The following NCOR2 variants were observed in gnomAD, a reference collection of about 807,000 sequenced individuals.
NCOR2 encodes the protein nuclear receptor corepressor 2.
In NCOR2, 81 loss-of-function variants were observed where a neutral mutation model predicts 262.9. The observed-to-expected ratio is 0.31, with a 90% CI of 0.26 to 0.37. The LOEUF is 0.37. Ranked by LOEUF, NCOR2 falls within the 10% of genes least tolerant of loss-of-function variation. The pLI is 1.00. For missense variants in NCOR2, 3,385 were observed against 3,621.4 expected (o/e 0.93, Z 1.68); for synonymous variants, 1,659 against 1,559.3 (o/e 1.06, Z -1.51).
chr12:124,327,256 T>C (rs940610514), intron 45 of NCOR2, among the ~76,000 whole-genome samples, 153 bp downstream of exon 47: 1 of 151,728 alleles, frequency 6.6e-6, no homozygotes, highest in South Asian at 2.1e-4. Context: ...AGCTTCAGAT[T>C]AGCAAACTCC....
chr12:124,376,840 G>A (rs1289824970), intron 18 of NCOR2, among the ~76,000 whole-genome samples: 1 of 152,234 alleles, frequency 6.6e-6, no homozygotes, highest in Non-Finnish European at 1.5e-5. Flanking sequence ...CCCAGACGGG[G>A]CAGGAGGAAG....
intron 3 of NCOR2, among the ~76,000 whole-genome samples, chr12:124,476,043 AGT>A (rs1429399033): frequency 6.6e-6 from 1 of 152,210 alleles, no homozygotes; most frequent in Admixed American, 6.5e-5. Context: ...AAGCCTCAGG[AGT>A]GTGTATGCAC....
intron 14 of NCOR2, 111 bp from the exon 17 acceptor site, chr12:124,400,784 A>C: frequency 1.5e-6 from 2 of 1,366,460 alleles, no homozygotes; most frequent in Non-Finnish European, 2.0e-6. Flanking sequence ...CAGCCATGGC[A>C]CTAATCGGAC....
chr12:124,514,973 C>T (rs1051750285), intron 1 of NCOR2, among the ~76,000 whole-genome samples: 1 of 152,098 alleles, frequency 6.6e-6, no homozygotes, highest in Non-Finnish European at 1.5e-5. Context: ...AAGCTACGAC[C>T]CATGCCCACG....
In NCOR2 at chr12:124,481,634, G is replaced by T. The variant is rs1453503526; in HGVS notation, c.411+1962C>A. Reference sequence around the variant, plus strand: ...TGAGGAACTCCAGGGTGGCCTGGGAGGCTGTACGTGAGCGGTTGAGAGGGC... The same window carrying T: ...TGAGGAACTCCAGGGTGGCCTGGGATGCTGTACGTGAGCGGTTGAGAGGGC... On this transcript the variant is annotated intron_variant, in intron 3 of 46. Transcript: ENST00000405201. This position sits in a 1 kb window ranked among gnomAD's most constrained non-coding sequence, Gnocchi z 4.6. 6.6e-6 allele frequency among the ~76,000 whole-genome samples: 1 copy of T among 152,220 alleles called. No individual in the cohort carries two copies. The highest frequency in any genetic ancestry group is 6.5e-5 in the Admixed American group (1 of 15,292).
At chr12:124,460,796 T>C (rs2046122347) in intron 5 of NCOR2, among the ~76,000 whole-genome samples, 2 of 152,160 alleles carry the variant, frequency 1.3e-5, no homozygotes, top group African/African-American at 4.8e-5. Flanking sequence ...ACCTCTCCCA[T>C]CTAGAACATT....
At chr12:124,450,865 T>C (rs150837263) in intron 6 of NCOR2, among the ~76,000 whole-genome samples, 27 of 152,346 alleles carry the variant, frequency 1.8e-4, no homozygotes, top group African/African-American at 6.3e-4. Context: ...TTTCTCCTCA[T>C]CTATAAAATG....
At chr12:124,469,122 G>C (rs1388336638) in intron 4 of NCOR2, among the ~76,000 whole-genome samples, 1 of 152,020 alleles carries the variant, frequency 6.6e-6, no homozygotes, top group South Asian at 2.1e-4. Flanking sequence ...AGAGGGTTTA[G>C]GGCACTGGCC....
At chr12:124,327,190 G>A (rs1190684571) in intron 45 of NCOR2, among the ~76,000 whole-genome samples, 6 of 152,146 alleles carry the variant, frequency 3.9e-5, no homozygotes, top group Admixed American at 1.3e-4. Context: ...GGCCTAGTGG[G>A]CAGGAGGGCC....
At chr12:124,490,407 CAGATGGATGGATGGATGGATGGAT>C (rs1327577986) in intron 1 of NCOR2, among the ~76,000 whole-genome samples, 9 of 130,082 alleles carry the variant, frequency 6.9e-5, no homozygotes, top group South Asian at 2.3e-4. Context: ...AAGTATTTGC[CAGATGGATGGATGGATGGATGGAT>C]GGATGGATGG....
chr12:124,512,027 T>A (rs957156471), intron 1 of NCOR2, among the ~76,000 whole-genome samples: 2 of 152,060 alleles, frequency 1.3e-5, no homozygotes, highest in African/African-American at 2.4e-5. Flanking sequence ...GCTCAATTGA[T>A]CCTCCTGCCT....
At chr12:124,422,593 G>A (rs1213564076) in intron 11 of NCOR2, 38 bp from the exon 14 acceptor site, 2 of 1,611,936 alleles carry the variant, frequency 1.2e-6, no homozygotes, top group East Asian at 2.2e-5. Context: ...ACCTGGCCGA[G>A]GGGGGCTTTC....
At chr12:124,544,317 A>C (rs541917788) in intron 1 of NCOR2, among the ~76,000 whole-genome samples, 1 of 152,330 alleles carries the variant, frequency 6.6e-6, no homozygotes, top group South Asian at 2.1e-4. Flanking sequence ...GGCTTCTCCC[A>C]GAGAGGCTGC....
chr12:124,499,289 C>CGCT (rs1565999674), upstream of NCOR2, among the ~76,000 whole-genome samples: 14 of 152,130 alleles, frequency 9.2e-5, no homozygotes. Flanking sequence ...CCCATGTCGC[C>CGCT]GCTGCGTCTG....
At chr12:124,497,025 T>G (rs960319813), upstream of NCOR2, among the ~76,000 whole-genome samples, 1 of 152,172 alleles carries the variant, frequency 6.6e-6, no homozygotes, top group Non-Finnish European at 1.5e-5. This position sits in a 1 kb window ranked among gnomAD's most constrained non-coding sequence, Gnocchi z 4.2. Context: ...GCAGGTTGTG[T>G]CCGATGGTGG....
At chr12:124,329,287 C>A (rs2034970623) in intron 44 of NCOR2, 1 of 361,160 alleles carries the variant, frequency 2.8e-6, no homozygotes, top group African/African-American at 2.1e-5. Context: ...TATGATGAAA[C>A]CCCGTCTCTA....
At chr12:124,519,131 C>CACACACACACACACACACAG (rs1566020188) in intron 1 of NCOR2, among the ~76,000 whole-genome samples, 1 of 147,588 alleles carries the variant, frequency 6.8e-6, no homozygotes, top group Non-Finnish European at 1.5e-5. Flanking sequence ...CACACACACA[C>CACACACACACACACACACAG]AGGCCAACAA....
chr12:124,428,528 G>A (rs374722076), intron 10 of NCOR2, among the ~76,000 whole-genome samples: 1 of 152,250 alleles, frequency 6.6e-6, no homozygotes, highest in African/African-American at 2.4e-5. Context: ...TAAACCAGCC[G>A]CCCCCTCCCT....
At chr12:124,459,875 T>C (rs1195541412) in intron 5 of NCOR2, among the ~76,000 whole-genome samples, 1 of 152,118 alleles carries the variant, frequency 6.6e-6, no homozygotes, top group East Asian at 1.9e-4. Flanking sequence ...CCTTGACCTC[T>C]GCTGGCCCCT....
Sources: gnomAD v4.1 joint callset for allele counts (sites outside exome capture counted in the v4.1 genomes callset) on GRCh38, gnomAD v4.1.1 for gene constraint, Gnocchi (gnomAD v3.1) non-coding constraint, MANE v1.5 for transcripts, NCBI Gene and HGNC (gene_info 2026-07-23, HGNC 2026-07-21) for gene names.